DNAJC12: variants seen among roughly 807,000 people sequenced by gnomAD.
DNAJC12 encodes dnaJ homolog subfamily C member 12.
DNAJC12 carries 25 observed loss-of-function variants against 28.5 expected under a neutral mutation model. The observed-to-expected ratio is 0.88, with a 90% confidence interval of 0.64 to 1.22. The LOEUF (loss-of-function observed/expected upper bound fraction) is 1.22, where lower values mean the gene tolerates loss of function less well. Among genes scored for constraint, DNAJC12 ranks in the 50% most tolerant of loss-of-function variants. DNAJC12 has a pLI of 0.00. For synonymous variants in DNAJC12, 77 were observed against 80.6 expected, an observed-to-expected ratio of 0.95 and a Z score of 0.24; for missense variants, 222 against 231.7, an observed-to-expected ratio of 0.96 and a Z score of 0.27.
At chr10:67,828,286 T>C (rs1163704260) in intron 1 of DNAJC12, among the ~76,000 whole-genome samples, 5 of 152,200 alleles carry the variant, frequency 3.3e-5, no homozygotes, top group Admixed American at 3.3e-4. Flanking sequence ...TGTGTATATA[T>C]ATGTGTGTGT....
chr10:67,833,643 T>G, intron 1 of DNAJC12: 1 of 266,036 alleles, frequency 3.8e-6, no homozygotes, highest in Non-Finnish European at 7.6e-6. Context: ...GATTTTTTGG[T>G]GGTTTGTGCT....
intron 1 of DNAJC12, among the ~76,000 whole-genome samples, chr10:67,835,817 G>A (rs1367864425): frequency 6.6e-6 from 1 of 151,448 alleles, no homozygotes; most frequent in Non-Finnish European, 1.5e-5. Context: ...ATCTAGATAT[G>A]ATATGCCATT....
chr10:67,833,438 CCTCTCTCT>C (rs3084613), intron 1 of DNAJC12, among the ~76,000 whole-genome samples: 2 of 149,252 alleles, frequency 1.3e-5, no homozygotes, highest in African/African-American at 2.5e-5. Context: ...TCTCCCTCTC[CCTCTCTCT>C]CTCTCTCTCT....
intron 3 of DNAJC12, chr10:67,808,442 T>G (rs541486965): frequency 3.9e-5 from 6 of 152,054 alleles, no homozygotes; most frequent in Admixed American, 2.6e-4. Context: ...AACGAGTTGG[T>G]TTTTTTTCTC....
intron 4 of DNAJC12, among the ~76,000 whole-genome samples, chr10:67,801,018 T>G (rs1410477515): frequency 2.0e-5 from 3 of 152,196 alleles, no homozygotes; most frequent in Non-Finnish European, 2.9e-5. Flanking sequence ...ACTGTATTTA[T>G]CAGAAGACAT....
chr10:67,837,454 A>C (rs1436766350), intron 1 of DNAJC12, among the ~76,000 whole-genome samples: 1 of 152,192 alleles, frequency 6.6e-6, no homozygotes, highest in Non-Finnish European at 1.5e-5. Context: ...AATTTGAAAT[A>C]TTAACATAAA....
intron 1 of DNAJC12, among the ~76,000 whole-genome samples, chr10:67,826,676 T>G (rs1222754628): frequency 7.7e-6 from 1 of 129,072 alleles, no homozygotes; most frequent in African/African-American, 2.9e-5. Flanking sequence ...TATCATTATA[T>G]ATAAGATATC....
intron 3 of DNAJC12, among the ~76,000 whole-genome samples, chr10:67,810,020 G>C (rs981224696): frequency 6.6e-6 from 1 of 152,124 alleles, no homozygotes; most frequent in Non-Finnish European, 1.5e-5. Context: ...CTGAGACTCA[G>C]TAATTTATGA....
intron 2 of DNAJC12, among the ~76,000 whole-genome samples, chr10:67,819,723 G>GAAGAAAGGAAGA (rs1841959024): frequency 4.2e-5 from 1 of 23,640 alleles, no homozygotes; most frequent in Admixed American, 5.4e-4. Flanking sequence ...AGGAAGCAAG[G>GAAGAAAGGAAGA]AAGGAAGGAA....
At position 67,797,778 on chromosome 10, in the gene DNAJC12, C is replaced by T. The variant is rs184603819; in HGVS notation, c.503-568G>A. On this transcript the variant is annotated intron_variant, in intron 4 of 4. Coordinates refer to ENST00000225171, the MANE Select transcript of DNAJC12 (RefSeq NM_021800.3). ...AACCTTTGCCAGGCGCAGTGGCTCA[C>T]GCCTGTAATCCCAGCACTTTGGGAG... Among the ~76,000 whole-genome samples the T allele has an allele frequency of 7.6e-4, 115 of 152,256 alleles. No individual in the cohort carries two copies. In the East Asian group the frequency reaches 0.021, roughly 27 times the overall value.
In DNAJC12 at chr10:67,838,174, A is replaced by G. The variant is rs1842158005; in HGVS notation, c.-163T>C. 2 of 509,890 alleles carry G rather than the reference A, an allele frequency of 3.9e-6. No individual in the cohort carries two copies. The highest frequency in any genetic ancestry group is 6.9e-6 in the Non-Finnish European group (2 of 289,980). 31.6% of individuals were successfully genotyped at this position (509,890 alleles called of 1,614,324 possible). On this transcript the variant is annotated 5_prime_UTR_variant, in exon 1 of 5. Transcript: ENST00000225171. ...GTCAATACACCAGATGTCATCCTAGACCTTTGTAAACTCTGCCTCTCATTG... is the reference window on the plus strand; with the variant it reads ...GTCAATACACCAGATGTCATCCTAGGCCTTTGTAAACTCTGCCTCTCATTG...
intron 3 of DNAJC12, among the ~76,000 whole-genome samples, chr10:67,809,847 A>G (rs1396069144): frequency 2.0e-5 from 3 of 152,132 alleles, no homozygotes; most frequent in African/African-American, 7.2e-5. Flanking sequence ...TCAAAGTGGG[A>G]GGCTGGGACG....
Position 67,833,163 on chromosome 10 carries a change from A to C in DNAJC12, c.78+4771T>G, listed in dbSNP as rs1210232705. On this transcript the variant is annotated intron_variant, in intron 1 of 4. Transcript: ENST00000225171. Reference sequence around the variant, plus strand: ...GAACAGAAAAAGGGCATTATTAGGAAAACTGATGAAATTAGATAAGACTTA... The same window carrying C: ...GAACAGAAAAAGGGCATTATTAGGACAACTGATGAAATTAGATAAGACTTA... Among the ~76,000 whole-genome samples, 12 of 152,222 alleles carry C rather than the reference A, an allele frequency of 7.9e-5. 1 individual carries two copies. Among genetic ancestry groups the C allele is most frequent in the Admixed American group, 7.9e-4 (12 of 15,274 alleles).
chr10:67,810,055 A>G (rs988113117), intron 3 of DNAJC12, among the ~76,000 whole-genome samples: 1 of 152,196 alleles, frequency 6.6e-6, no homozygotes, highest in East Asian at 1.9e-4. Context: ...ATTGACTCAC[A>G]GTTCCTCAGG....
chr10:67,837,910 T>TA, intron 1 of DNAJC12, 24 bp downstream of exon 1: 1 of 1,505,920 alleles, frequency 6.6e-7, no homozygotes, highest in South Asian at 1.2e-5. Context: ...ACTGTTGTGA[T>TA]AAAAATATTA....
At chr10:67,805,931 C>A in intron 3 of DNAJC12, 144 bp from the exon 4 acceptor site, 1 of 563,554 alleles carries the variant, frequency 1.8e-6, no homozygotes, top group African/African-American at 1.9e-5. Context: ...ACAAGATACT[C>A]ATAAATTAAT....
intron 4 of DNAJC12, among the ~76,000 whole-genome samples, chr10:67,798,556 C>T (rs1284431921): frequency 6.6e-6 from 1 of 151,928 alleles, no homozygotes; most frequent in Non-Finnish European, 1.5e-5. Context: ...GTGGTATGTG[C>T]CCGTGGTCCC....
intron 1 of DNAJC12, among the ~76,000 whole-genome samples, chr10:67,827,225 A>G (rs1842045749): frequency 6.6e-6 from 1 of 150,718 alleles, no homozygotes; most frequent in Non-Finnish European, 1.5e-5. Flanking sequence ...TGTCTCTACT[A>G]AAAATACAAA....
At chr10:67,820,863 A>C (rs999148512) in intron 2 of DNAJC12, among the ~76,000 whole-genome samples, 2 of 145,984 alleles carry the variant, frequency 1.4e-5, no homozygotes, top group African/African-American at 5.1e-5. Flanking sequence ...TGCTCACCGC[A>C]ACCTCCGCCT....
Sources: allele counts gnomAD v4.1 joint callset (sites outside exome capture counted in the v4.1 genomes callset), GRCh38; gene constraint gnomAD v4.1.1; transcripts MANE v1.5; gene names NCBI Gene and HGNC (gene_info 2026-07-23, HGNC 2026-07-21).